Variants in WNT6 observed in about 807,000 individuals in gnomAD.
WNT6 encodes the protein protein Wnt-6.
A neutral mutation model predicts 33.1 loss-of-function variants in WNT6; 27 were observed. That is an observed-to-expected ratio of 0.82 (90% CI 0.60 to 1.12). WNT6 has a LOEUF of 1.12. WNT6 is among the 50% of genes most tolerant of loss of function. The pLI is 0.00. For missense variants in WNT6, 494 were observed against 535.3 expected, an observed-to-expected ratio of 0.92 and a Z score of 0.76; for synonymous variants, 249 against 242.8, an observed-to-expected ratio of 1.03 and a Z score of -0.24.
intron 1 of WNT6, among the ~76,000 whole-genome samples, chr2:218,866,177 C>A (rs1944353142): frequency 6.6e-6 from 1 of 152,188 alleles, no homozygotes; most frequent in South Asian, 2.1e-4. Flanking sequence ...ACCCACAGCC[C>A]CAGGGCTCAG....
rs1347017929 is a variant in WNT6 at position 218,874,062 on chromosome 2, G to A, written c.*217G>A. ...AGACGGCCCCGAAAAGGCGCTCGGG[G>A]AGCGTTTAAAGGACACTGTACAGGC... On this transcript the variant is annotated 3_prime_UTR_variant, in exon 4 of 4. Coordinates refer to ENST00000233948, the MANE Select transcript of WNT6 (RefSeq NM_006522.4). The A allele has an allele frequency of 5.4e-6, 3 of 559,048 alleles. No homozygotes were observed. Among genetic ancestry groups the A allele is most frequent in the Non-Finnish European group, 9.0e-6 (3 of 332,032 alleles). The allele number at this position is 559,048 out of a possible 1,614,324, so 34.6% of individuals were successfully genotyped here.
chr2:218,870,959 T>C, intron 1 of WNT6, 68 bp from the exon 2 acceptor site: 1 of 1,434,446 alleles, frequency 7.0e-7, no homozygotes, highest in Non-Finnish European at 9.5e-7. Context: ...GTGGGGCTGG[T>C]CCTCCTCCCT....
chr2:218,863,424 T>C (rs1944327640), intron 1 of WNT6, among the ~76,000 whole-genome samples: 1 of 152,222 alleles, frequency 6.6e-6, no homozygotes, highest in South Asian at 2.1e-4. Flanking sequence ...GTGACTCGAC[T>C]GTCTTGGTCA....
chr2:218,865,829 G>A (rs1028725783), intron 1 of WNT6, among the ~76,000 whole-genome samples: 11 of 152,156 alleles, frequency 7.2e-5, no homozygotes, highest in Admixed American at 2.6e-4. Context: ...AGTCTGTCAG[G>A]GAAGGGAATG....
intron 3 of WNT6, among the ~76,000 whole-genome samples, chr2:218,872,282 G>T (rs2106006024): frequency 6.6e-6 from 1 of 152,318 alleles, no homozygotes. Flanking sequence ...AGGGAAGCCA[G>T]GGGGAGTGAG....
Position 218,859,896 on chromosome 2 carries a change from C to T in WNT6, c.-142C>T. The T allele has an allele frequency of 2.0e-6, 1 of 509,088 alleles. No individual in the cohort carries two copies. The highest frequency in any genetic ancestry group is 2.7e-6 in the Non-Finnish European group (1 of 374,358). 31.5% of individuals were successfully genotyped at this position (509,088 alleles called of 1,614,324 possible). A position where few individuals can be genotyped will look rare whatever the true frequency, so the allele number is the denominator to read the frequency against. ...GCGCCCTCCTCGCCCGGGATGGGCC[C>T]CCCCGCCGCCGCCGGATCCCTCGCC... On this transcript the variant is annotated 5_prime_UTR_variant, in exon 1 of 4. Coordinates refer to ENST00000233948, the MANE Select transcript of WNT6 (RefSeq NM_006522.4).
chr2:218,866,593 G>T (rs759370866), intron 1 of WNT6, among the ~76,000 whole-genome samples: 76 of 152,282 alleles, frequency 5.0e-4, no homozygotes, highest in Non-Finnish European at 3.4e-4. Context: ...CTCTGGACAG[G>T]TTCTCTGCAT....
intron 1 of WNT6, among the ~76,000 whole-genome samples, chr2:218,863,343 G>A (rs1381120009): frequency 6.6e-6 from 1 of 152,168 alleles, no homozygotes; most frequent in Non-Finnish European, 1.5e-5. Context: ...AGCTGCAGCA[G>A]CCTCCTGCAT....
At position 218,873,945 on chromosome 2, in the gene WNT6, C is replaced by A; in HGVS notation, c.*100C>A. 8.2e-7 allele frequency: 1 copy of A among 1,216,162 alleles called. No individual in the cohort carries two copies. Among genetic ancestry groups the A allele is most frequent in the African/African-American group, 1.6e-5 (1 of 61,852 alleles). 75.3% of individuals were successfully genotyped at this position (1,216,162 alleles called of 1,614,324 possible). ...GGCGCCTCTCGCCGCTCGAGCCCAG[C>A]CTCTCCCTGCCAAAGCCCAACTCCC... On this transcript the variant is annotated 3_prime_UTR_variant, in exon 4 of 4. Coordinates refer to ENST00000233948, the MANE Select transcript of WNT6 (RefSeq NM_006522.4). This position sits in a 1 kb window ranked among gnomAD's most constrained non-coding sequence, Gnocchi z 6.1.
chr2:218,865,241 G>T (rs1481011342), intron 1 of WNT6, among the ~76,000 whole-genome samples: 1 of 152,232 alleles, frequency 6.6e-6, no homozygotes, highest in East Asian at 1.9e-4. Context: ...GGGCAGTGTG[G>T]TCAGGCTGGC....
Position 218,873,291 on chromosome 2 carries a change from C to G in WNT6, c.637-93C>G, listed in dbSNP as rs992913099. ...CTGCATTTTCCTCTCTTCCTTTCAC[C>G]TCCCATTCCCAATCTTATTTTCTGT... On this transcript the variant is annotated intron_variant, in intron 3 of 3. Coordinates refer to ENST00000233948, the MANE Select transcript of WNT6 (RefSeq NM_006522.4). The surrounding 1 kb of genome is among the most constrained non-coding windows in gnomAD (Gnocchi z 6.1). The G allele has an allele frequency of 4.9e-5, 62 of 1,261,746 alleles. No homozygotes were observed. The highest frequency in any genetic ancestry group is 5.8e-5 in the Non-Finnish European group (54 of 928,574). 78.2% of individuals were successfully genotyped at this position (1,261,746 alleles called of 1,614,324 possible).
In WNT6 at chr2:218,871,214, C is replaced by G. The variant is rs750196516; in HGVS notation, c.268C>G (p.His90Asp). The G allele has an allele frequency of 6.2e-7, 1 of 1,613,374 alleles. No individual in the cohort carries two copies. The highest frequency in any genetic ancestry group is 2.2e-5 in the East Asian group (1 of 44,876). Residue 90 changes from histidine to aspartate, a missense_variant, in exon 2 of 4, where the codon CAC (histidine) becomes GAC (aspartate). By Grantham distance (81) the His-to-Asp change is moderately conservative. Transcript: ENST00000233948. This position sits in a 1 kb window ranked among gnomAD's most constrained non-coding sequence, Gnocchi z 6.4. ...FRFRRWNCSS[H>D]SKAFGRILQQ... ...CTTCCGCCGCTGGAATTGCTCCAGC[C>G]ACAGCAAGGCCTTTGGACGCATCCT...
In WNT6 at chr2:218,871,783, G is replaced by C. The variant is rs1489577161; in HGVS notation, c.600G>C (p.Ala200=). ...RHKRGRGDIR[A]LVQLHNNEAG... ...AGCGGGGACGCGGAGACATCCGCGC[G>C]TTGGTGCAACTGCACAACAACGAGG... The change falls in exon 3 of 4, where the codon GCG becomes GCC. Residue 200 remains alanine, a synonymous_variant. Transcript: ENST00000233948. This position sits in a 1 kb window ranked among gnomAD's most constrained non-coding sequence, Gnocchi z 6.4. 1 of 1,598,898 alleles carries C rather than the reference G, an allele frequency of 6.3e-7. No homozygotes were observed. Among genetic ancestry groups the C allele is most frequent in the South Asian group, 1.1e-5 (1 of 89,988 alleles).
chr2:218,872,152 G>A (rs1944408337), intron 3 of WNT6, among the ~76,000 whole-genome samples: 4 of 152,158 alleles, frequency 2.6e-5, no homozygotes, highest in African/African-American at 7.2e-5. Flanking sequence ...AGACAGGACA[G>A]GTGAAGCAAA....
In WNT6 at chr2:218,873,611, C is replaced by A. The variant is rs761922515; in HGVS notation, c.864C>A (p.Ala288=). Residue 288 remains alanine (A), a synonymous_variant, in exon 4 of 4, where the codon GCC becomes GCA. Transcript: ENST00000233948. The surrounding 1 kb of genome is among the most constrained non-coding windows in gnomAD (Gnocchi z 6.1). ...GCCGAGCGGACCTCCTCTACGCCGCCGATTCGCCCGACTTCTGCGCCCCCA... is the reference window on the plus strand; with the variant it reads ...GCCGAGCGGACCTCCTCTACGCCGCAGATTCGCCCGACTTCTGCGCCCCCA... ...PPGRADLLYA[A]DSPDFCAPNR... is the part of the protein sequence containing the mutation. 35 of 1,568,116 alleles carry A rather than the reference C, an allele frequency of 2.2e-5. No homozygotes were observed. The highest frequency in any genetic ancestry group is 2.8e-5 in the Non-Finnish European group (33 of 1,163,438).
At chr2:218,865,926 T>C (rs1403024107) in intron 1 of WNT6, among the ~76,000 whole-genome samples, 1 of 25,310 alleles carries the variant, frequency 4.0e-5, no homozygotes. Flanking sequence ...AGGTGGGGAA[T>C]GGGGTGGCTG....
intron 1 of WNT6, among the ~76,000 whole-genome samples, chr2:218,865,990 G>A (rs1056942499): frequency 4.0e-5 from 6 of 150,988 alleles, no homozygotes; most frequent in African/African-American, 9.8e-5. Context: ...TGGCTTTGAT[G>A]TGGTGGTTTG....
At chr2:218,864,501 A>G (rs573952009) in intron 1 of WNT6, among the ~76,000 whole-genome samples, 3 of 152,214 alleles carry the variant, frequency 2.0e-5, no homozygotes, top group African/African-American at 7.2e-5. Context: ...TCCTGACTTA[A>G]AGTCATCTGC....
Position 218,871,667 on chromosome 2 carries a change from G to C in WNT6, c.484G>C (p.Glu162Gln). ...PGPPGPAGSP[E>Q]GSAAWEWGGC... ...ACCCCCTGGCCCCGCGGGCTCCCCGGAAGGCAGCGCCGCCTGGGAGTGGGG... is the reference window on the plus strand; with the variant it reads ...ACCCCCTGGCCCCGCGGGCTCCCCGCAAGGCAGCGCCGCCTGGGAGTGGGG... The change falls in exon 3 of 4, where the codon GAA becomes CAA. Residue 162 changes from glutamate to glutamine, a missense_variant. Coordinates refer to ENST00000233948, the MANE Select transcript of WNT6 (RefSeq NM_006522.4). The surrounding 1 kb of genome is among the most constrained non-coding windows in gnomAD (Gnocchi z 6.4). 6.5e-7 allele frequency: 1 copy of C among 1,545,562 alleles called. No individual in the cohort carries two copies. Among genetic ancestry groups the C allele is most frequent in the Non-Finnish European group, 8.7e-7 (1 of 1,147,470 alleles).
Sources: gnomAD v4.1 joint callset for allele counts (sites outside exome capture counted in the v4.1 genomes callset) on GRCh38, gnomAD v4.1.1 for gene constraint, Gnocchi (gnomAD v3.1) non-coding constraint, MANE v1.5 for transcripts, NCBI Gene and HGNC (gene_info 2026-07-23, HGNC 2026-07-21) for gene names.